GPR158: variants seen among roughly 807,000 people sequenced by gnomAD.
GPR158 encodes the protein metabotropic glycine receptor.
GPR158 carries 30 observed loss-of-function variants against 78.2 expected under a neutral mutation model. The ratio of observed to expected loss-of-function variants is 0.38; its 90% confidence interval spans 0.29 to 0.52. The LOEUF is 0.52. Ranked by LOEUF, GPR158 falls within the 20% of genes least tolerant of loss-of-function variation. The probability of loss-of-function intolerance (pLI) is 0.83; values close to 1 mark genes in which losing one functional copy is unlikely to be tolerated. For missense variants in GPR158, 1,463 were observed against 1,523.5 expected (o/e 0.96, Z 0.66); for synonymous variants, 581 against 591.1 (o/e 0.98, Z 0.25).
At chr10:25,536,499 T>C (rs1252938940) in intron 5 of GPR158, among the ~76,000 whole-genome samples, 1 of 152,224 alleles carries the variant, frequency 6.6e-6, no homozygotes, top group Non-Finnish European at 1.5e-5. Flanking sequence ...TGGCCTTCGT[T>C]AACATCCCAT....
chr10:25,521,814 T>G (rs1836279588), intron 5 of GPR158, among the ~76,000 whole-genome samples: 1 of 152,176 alleles, frequency 6.6e-6, no homozygotes, highest in East Asian at 1.9e-4. Context: ...ATGAAAGCAA[T>G]GGCAGAAAAA....
At chr10:25,423,184 C>T (rs1452717482) in intron 4 of GPR158, among the ~76,000 whole-genome samples, 1 of 149,516 alleles carries the variant, frequency 6.7e-6, no homozygotes, top group Middle Eastern at 3.2e-3. Flanking sequence ...TATGTATATA[C>T]ACACATATAT....
intron 5 of GPR158, among the ~76,000 whole-genome samples, chr10:25,493,498 TA>T (rs958889027): frequency 6.6e-5 from 10 of 151,304 alleles, no homozygotes; most frequent in East Asian, 1.9e-4. Flanking sequence ...GAGGGCTTTC[TA>T]AAAAAAAATG....
intron 2 of GPR158, among the ~76,000 whole-genome samples, chr10:25,226,008 T>C (rs1268533627): frequency 2.0e-5 from 3 of 152,182 alleles, no homozygotes; most frequent in African/African-American, 7.2e-5. Context: ...TAGAGATCTT[T>C]CATTTAGTTT....
At position 25,209,268 on chromosome 10, in the gene GPR158, C is replaced by G. The variant is rs1366953467; in HGVS notation, c.903-11784C>G. Among the ~76,000 whole-genome samples the G allele has an allele frequency of 3.9e-5, 6 of 152,204 alleles. No homozygotes were observed. The East Asian group carries it at 1.2e-3, about 29-fold the overall frequency. ...ACTACTGTTAGATCTATGTACCACT[C>G]TATCTCTTCCTCTTATAAGACAAAC... is the stretch of plus-strand genomic sequence containing the variant. On this transcript the variant is annotated intron_variant, in intron 1 of 10. Transcript: ENST00000376351.
chr10:25,600,152 T>A lies in GPR158; in HGVS notation c.*878T>A, dbSNP rs1381765140. 3 of 152,638 alleles carry A rather than the reference T, an allele frequency of 2.0e-5. No homozygotes were observed. The highest frequency in any genetic ancestry group is 4.4e-5 in the Non-Finnish European group (3 of 68,038). The allele number at this position is 152,638 out of a possible 1,614,324, so 9.5% of individuals were successfully genotyped here. ...CACTTCTTGTTAGGACTCAGAAGCTTTATTAATATTGGAGATCAAGTGGTC... is the reference window on the plus strand; with the variant it reads ...CACTTCTTGTTAGGACTCAGAAGCTATATTAATATTGGAGATCAAGTGGTC... On this transcript the variant is annotated 3_prime_UTR_variant, in exon 11 of 11. Transcript: ENST00000376351.
chr10:25,385,415 G>T (rs530344765), intron 2 of GPR158, among the ~76,000 whole-genome samples: 31 of 152,190 alleles, frequency 2.0e-4, no homozygotes, highest in South Asian at 8.3e-4. Context: ...TTTAAATAGT[G>T]CCACTATGAA....
chr10:25,200,457 CTG>C (rs1373957854), intron 1 of GPR158, among the ~76,000 whole-genome samples: 1 of 152,144 alleles, frequency 6.6e-6, no homozygotes, highest in Non-Finnish European at 1.5e-5. Context: ...TTCTCCCATT[CTG>C]TGGGGTGTCT....
chr10:25,598,953 A>C lies in GPR158; in HGVS notation c.3327A>C (p.Ala1109=). 1 of 1,613,998 alleles carries C rather than the reference A, an allele frequency of 6.2e-7. No homozygotes were observed. The highest frequency in any genetic ancestry group is 8.5e-7 in the Non-Finnish European group (1 of 1,179,986). Residue 1109 remains alanine (A), a synonymous_variant, in exon 11 of 11, where the codon GCA becomes GCC. Transcript: ENST00000376351. ...AGGAGAACGGAGGTCAGCCTCGTGCAGCCAATGTGTGTGCTGGGCAGAGCG... is the reference window on the plus strand; with the variant it reads ...AGGAGAACGGAGGTCAGCCTCGTGCCGCCAATGTGTGTGCTGGGCAGAGCG... The part of the protein sequence containing the change: ...AKEENGGQPR[A]ANVCAGQSEE...
intron 5 of GPR158, among the ~76,000 whole-genome samples, chr10:25,526,103 TAA>T (rs4017850): frequency 0.042 from 2,896 of 69,054 alleles, 82 homozygotes; most frequent in African/African-American, 0.094. Flanking sequence ...CAATTTTGTC[TAA>T]AAAAAAAAAA....
chr10:25,594,167 A>G, intron 8 of GPR158, 125 bp from the exon 9 acceptor site: 1 of 621,072 alleles, frequency 1.6e-6, no homozygotes, highest in Non-Finnish European at 2.9e-6. Flanking sequence ...TATGCCATAG[A>G]AATAGTAATA....
intron 2 of GPR158, among the ~76,000 whole-genome samples, chr10:25,326,699 TTAA>T (rs559111926): frequency 8.1e-4 from 124 of 152,320 alleles, no homozygotes; most frequent in African/African-American, 2.8e-3. Flanking sequence ...GTGACTATAG[TTAA>T]TAATAACGTG....
chr10:25,297,244 C>G (rs1854528443), intron 2 of GPR158, among the ~76,000 whole-genome samples: 2 of 152,184 alleles, frequency 1.3e-5, no homozygotes, highest in African/African-American at 4.8e-5. Flanking sequence ...CTTTCTCAGT[C>G]TCTCTGAGCC....
At chr10:25,312,026 C>T (rs575644413) in intron 2 of GPR158, among the ~76,000 whole-genome samples, 16 of 152,044 alleles carry the variant, frequency 1.1e-4, no homozygotes, top group Middle Eastern at 3.4e-3. Flanking sequence ...TTTGGTCAAA[C>T]TATATGAAAA....
intron 2 of GPR158, among the ~76,000 whole-genome samples, chr10:25,371,883 G>T (rs1192864534): frequency 8.1e-5 from 11 of 134,970 alleles, no homozygotes; most frequent in African/African-American, 3.1e-4. Flanking sequence ...AAGAGCTTCT[G>T]CACAGCAAAA....
chr10:25,420,455 C>A (rs1474638887), intron 4 of GPR158, among the ~76,000 whole-genome samples: 3 of 152,110 alleles, frequency 2.0e-5, no homozygotes, highest in Admixed American at 2.0e-4. Flanking sequence ...ACTTGGCCCC[C>A]AGTGTCTTTA....
intron 2 of GPR158, among the ~76,000 whole-genome samples, chr10:25,319,446 T>A (rs75353190): frequency 6.6e-6 from 1 of 152,186 alleles, no homozygotes; most frequent in African/African-American, 2.4e-5. Flanking sequence ...TTCCATAGGA[T>A]TTGTTGAACA....
rs1837503835 is a variant in GPR158, at chr10:25,601,864, A to G, written c.*2590A>G. The G allele has an allele frequency of 6.6e-6, 1 of 152,658 alleles. No homozygotes were observed. Among genetic ancestry groups the G allele is most frequent in the African/African-American group, 2.4e-5 (1 of 41,458 alleles). 9.5% of individuals were successfully genotyped at this position (152,658 alleles called of 1,614,324 possible). A position where few individuals can be genotyped will look rare whatever the true frequency, so the allele number is the denominator to read the frequency against. Reference sequence around the variant, plus strand: ...GTAGATTTATACCAATCTTAATAGAATTGTATATTTTATGCAAGAATTAAA... The same window carrying G: ...GTAGATTTATACCAATCTTAATAGAGTTGTATATTTTATGCAAGAATTAAA... On this transcript the variant is annotated 3_prime_UTR_variant, in exon 11 of 11. Transcript: ENST00000376351.
At chr10:25,572,911 GATGGTCTTACC>G (rs200425449) in intron 7 of GPR158, 24 bp downstream of exon 7, 13,937 of 1,337,666 alleles carry the variant, frequency 0.01, 107 homozygotes, top group Middle Eastern at 0.015. Flanking sequence ...TGTTTCGTAT[GATGGTCTTACC>G]ATTTTTCAGT....
Sources: allele counts gnomAD v4.1 joint callset (sites outside exome capture counted in the v4.1 genomes callset), GRCh38; gene constraint gnomAD v4.1.1; transcripts MANE v1.5; gene names NCBI Gene and HGNC (gene_info 2026-07-23, HGNC 2026-07-21).